The following ZNF91 variants were observed in gnomAD, a reference collection of about 807,000 sequenced individuals.
The protein encoded by ZNF91 is zinc finger protein 91, also known as zinc finger protein 91 (HPF7, HTF10).
ZNF91 carries 7 observed loss-of-function variants against 12.6 expected under a neutral mutation model. The observed-to-expected ratio is 0.55, with a 90% CI of 0.31 to 1.04. ZNF91 has a LOEUF of 1.04. Ranked by LOEUF, ZNF91 falls within the 50% of genes least tolerant of loss-of-function variation. ZNF91 has a pLI of 0.05. For missense variants in ZNF91, 1,217 were observed against 1,385.4 expected (o/e 0.88, Z 1.93); for synonymous variants, 453 against 462.6 (o/e 0.98, Z 0.27).
chr19:23,338,299 A>G (rs907058458), downstream of ZNF91: 1 of 152,144 alleles, frequency 6.6e-6, no homozygotes, highest in African/African-American at 2.4e-5. Context: ...AGAAAACCAC[A>G]TTAGATTAAA....
chr19:23,317,798 G>T (rs1385513302), intron 1 of ZNF91, among the ~76,000 whole-genome samples: 4 of 152,032 alleles, frequency 2.6e-5, no homozygotes, highest in African/African-American at 9.7e-5. Flanking sequence ...AGAAAGCGAG[G>T]TTCCCACGCA....
chr19:23,336,043 G>A (rs980250382), downstream of ZNF91, among the ~76,000 whole-genome samples: 24 of 152,094 alleles, frequency 1.6e-4, no homozygotes, highest in Admixed American at 5.2e-4. Flanking sequence ...CACTGTTACC[G>A]GAAGTACAAT....
chr19:23,368,406 T>A (rs1024046996), intron 3 of ZNF91, among the ~76,000 whole-genome samples: 1 of 151,670 alleles, frequency 6.6e-6, no homozygotes, highest in Non-Finnish European at 1.5e-5. Context: ...TCTCAGCTAC[T>A]CAGGAGGCTG....
chr19:23,360,148 C>T lies in ZNF91; in HGVS notation c.2831G>A (p.Gly944Asp). The T allele has an allele frequency of 1.2e-6, 2 of 1,613,516 alleles. No individual in the cohort carries two copies. Among genetic ancestry groups the T allele is most frequent in the Non-Finnish European group, 1.7e-6 (2 of 1,179,956 alleles). ...GEKPYKCEEC[G>D]KAFSQSSTLT... The stretch of plus-strand genomic sequence containing the variant: ...GGTTGAGGATTGGCTAAAAGCTTTG[C>T]CACATTCTTCACATTTGTAGGGTTT... The change falls in exon 4 of 4, where the codon GGC becomes GAC. Residue 944 changes from glycine (G) to aspartate (D), a missense_variant. Physicochemically the swap from Gly to Asp is moderately conservative, Grantham distance 94 (BLOSUM62 -1). Transcript: ENST00000300619.
intron 1 of ZNF91, among the ~76,000 whole-genome samples, chr19:23,332,875 T>C (rs997307099): frequency 2.0e-5 from 3 of 152,160 alleles, no homozygotes; most frequent in Non-Finnish European, 4.4e-5. Context: ...TAAAGCAGAA[T>C]ACTAGCAGGC....
intron 3 of ZNF91, among the ~76,000 whole-genome samples, chr19:23,367,968 G>T (rs1969082002): frequency 6.6e-6 from 1 of 152,054 alleles, no homozygotes; most frequent in Non-Finnish European, 1.5e-5. Context: ...GGAGTGCAGT[G>T]GCGCAGTCTC....
At chr19:23,356,999 C>T (rs1250956037), downstream of ZNF91, among the ~76,000 whole-genome samples, 9 of 152,198 alleles carry the variant, frequency 5.9e-5, no homozygotes, top group East Asian at 1.9e-4. Flanking sequence ...GAGGCAGAGA[C>T]GGGTGGATCA....
At chr19:23,310,888 A>T (rs1967459496), upstream of ZNF91, among the ~76,000 whole-genome samples, 1 of 152,194 alleles carries the variant, frequency 6.6e-6, no homozygotes, top group Admixed American at 6.6e-5. Flanking sequence ...TCTGCCTTCA[A>T]AAGGCACTAT....
chr19:23,366,674 G>A (rs1446719909), intron 3 of ZNF91, among the ~76,000 whole-genome samples: 2 of 152,198 alleles, frequency 1.3e-5, no homozygotes, highest in African/African-American at 2.4e-5. Context: ...GAGCAAGTAC[G>A]AGGTGAAGGA....
intron 3 of ZNF91, among the ~76,000 whole-genome samples, chr19:23,369,644 A>AT (rs1969187645): frequency 6.6e-6 from 1 of 151,912 alleles, no homozygotes; most frequent in Non-Finnish European, 1.5e-5. Flanking sequence ...AGGAGACTCC[A>AT]TTTTGTTCTG....
At chr19:23,346,813 C>T (rs896130770) in intron 3 of ZNF91, among the ~76,000 whole-genome samples, 2 of 152,148 alleles carry the variant, frequency 1.3e-5, no homozygotes, top group African/African-American at 4.8e-5. Flanking sequence ...ACAGTTTATT[C>T]AATCCATAAC....
At chr19:23,376,237 A>G (rs985348819) in intron 1 of ZNF91, among the ~76,000 whole-genome samples, 2 of 152,196 alleles carry the variant, frequency 1.3e-5, no homozygotes, top group African/African-American at 2.4e-5. Context: ...TCCATGTTCA[A>G]CAGCCACAAA....
rs1226627509 is a variant in ZNF91, at chr19:23,360,759, T to G, written c.2220A>C (p.Lys740Asn). Reference protein sequence around the residue: ...TIHKFIHTGEKPYKCEECGKA... With the variant: ...TIHKFIHTGENPYKCEECGKA... ...TGCCACATTCTTCACACTTGTAAGG[T>G]TTCTCTCCAGTATGAATAAACTTAT... The change falls in exon 4 of 4, where the codon AAA becomes AAC. Residue 740 changes from lysine (K) to asparagine (N), a missense_variant. Physicochemically the swap from Lys to Asn is moderately conservative, Grantham distance 94. Coordinates refer to ENST00000300619, the MANE Select transcript of ZNF91 (RefSeq NM_003430.4). The G allele has an allele frequency of 6.2e-7, 1 of 1,612,634 alleles. No individual in the cohort carries two copies. Among genetic ancestry groups the G allele is most frequent in the Non-Finnish European group, 8.5e-7 (1 of 1,179,430 alleles).
At chr19:23,332,780 G>C (rs897186246) in intron 1 of ZNF91, among the ~76,000 whole-genome samples, 2 of 152,180 alleles carry the variant, frequency 1.3e-5, no homozygotes, top group African/African-American at 4.8e-5. Flanking sequence ...TCTGTGGACT[G>C]AGGGGCTTGC....
chr19:23,354,757 A>T (rs1348853105), downstream of ZNF91, among the ~76,000 whole-genome samples: 2 of 152,118 alleles, frequency 1.3e-5, no homozygotes, highest in South Asian at 2.1e-4. Context: ...AACTGATAAA[A>T]CAATTCAGCA....
In ZNF91 at chr19:23,373,728, T is replaced by G; in HGVS notation, c.253+14A>C. 6.2e-7 allele frequency: 1 copy of G among 1,603,586 alleles called. No individual in the cohort carries two copies. Among genetic ancestry groups the G allele is most frequent in the Non-Finnish European group, 8.5e-7 (1 of 1,173,204 alleles). On this transcript the variant is annotated intron_variant, in intron 3 of 3. Transcript: ENST00000300619. ...CTCTCATCCTTGTCGTCTGTTGTAT[T>G]CACTCTCACCTACCTGTGGGTTCAT...
intron 3 of ZNF91, chr19:23,342,291 A>G: frequency 4.8e-6 from 2 of 419,110 alleles, no homozygotes; most frequent in South Asian, 1.3e-4. Flanking sequence ...AATTAGCATG[A>G]CTTTCTGGGA....
chr19:23,357,796 T>A lies in ZNF91; in HGVS notation c.*1607A>T, dbSNP rs1337492104. On this transcript the variant is annotated 3_prime_UTR_variant, in exon 4 of 4. Coordinates refer to ENST00000300619, the MANE Select transcript of ZNF91 (RefSeq NM_003430.4). The stretch of plus-strand genomic sequence containing the variant: ...TTGTACATTTAAAAATAACTAAAAC[T>A]GTAGAATTGAATTATTTGTAATACA... 1 of 152,168 alleles carries A rather than the reference T, an allele frequency of 6.6e-6. No homozygotes were observed. The highest frequency in any genetic ancestry group is 2.4e-5 in the African/African-American group (1 of 41,444). The allele number at this position is 152,168 out of a possible 1,614,324, so 9.4% of individuals were successfully genotyped here.
intron 3 of ZNF91, chr19:23,339,839 G>C (rs1001141522): frequency 6.6e-6 from 1 of 151,460 alleles, no homozygotes; most frequent in East Asian, 1.9e-4. Context: ...AGCTACTCGG[G>C]AGGCTAATAT....
Sources: allele counts gnomAD v4.1 joint callset (sites outside exome capture counted in the v4.1 genomes callset), GRCh38; gene constraint gnomAD v4.1.1; transcripts MANE v1.5; gene names NCBI Gene and HGNC (gene_info 2026-07-23, HGNC 2026-07-21).